The following IARS2 variants were observed in gnomAD, a reference collection of about 807,000 sequenced individuals.
IARS2 encodes the protein isoleucyl-tRNA synthetase 2, mitochondrial, also known as isoleucine--tRNA ligase, mitochondrial.
Under a neutral mutation model 126.3 loss-of-function variants are expected in IARS2, and 56 were observed. The observed-to-expected ratio is 0.44, with a 90% confidence interval of 0.36 to 0.55. The LOEUF (loss-of-function observed/expected upper bound fraction) is 0.55, where lower values mean the gene tolerates loss of function less well. Ranked by LOEUF, IARS2 falls within the 20% of genes least tolerant of loss-of-function variation. The probability of loss-of-function intolerance (pLI) is 0.00; values close to 1 mark genes in which losing one functional copy is unlikely to be tolerated. For synonymous variants in IARS2, 407 were observed against 441.1 expected (o/e 0.92, Z 0.97); for missense variants, 1,127 against 1,245.9 (o/e 0.90, Z 1.44).
At position 220,110,862 on chromosome 1, in the gene IARS2, G is replaced by T; in HGVS notation, c.1404G>T (p.Arg468Ser). The T allele has an allele frequency of 6.2e-7, 1 of 1,613,814 alleles. No homozygotes were observed. The highest frequency in any genetic ancestry group is 1.1e-5 in the South Asian group (1 of 91,074). ...TGCATAGCTATCCGTATGACTGGAG[G>T]ACCAAGAAACCTGTGGTTATTCGTG... ...KLVHSYPYDW[R>S]TKKPVVIRAS... The change falls in exon 11 of 23, where the codon AGG becomes AGT. Residue 468 changes from arginine to serine, a missense_variant. Physicochemically the swap from Arg to Ser is moderately radical, Grantham distance 110 (BLOSUM62 -1). Coordinates refer to ENST00000366922, the MANE Select transcript of IARS2 (RefSeq NM_018060.4).
chr1:220,097,388 G>C (rs1165004942), intron 2 of IARS2, among the ~76,000 whole-genome samples: 1 of 136,490 alleles, frequency 7.3e-6, no homozygotes, highest in East Asian at 2.1e-4. Context: ...TTTTGAGACA[G>C]AGTCTTGTAC....
intron 11 of IARS2, among the ~76,000 whole-genome samples, chr1:220,113,335 G>A (rs751997505): frequency 1.3e-5 from 2 of 152,170 alleles, no homozygotes; most frequent in African/African-American, 4.8e-5. Flanking sequence ...CCAATAGGTG[G>A]TGCTACAGAG....
intron 7 of IARS2, among the ~76,000 whole-genome samples, chr1:220,102,979 A>G (rs977892709): frequency 6.6e-6 from 1 of 152,116 alleles, no homozygotes. Flanking sequence ...ATGAAATAGA[A>G]GTATAAGTTA....
rs201935899 is a variant in IARS2, at chr1:220,096,194, G to A, written c.358G>A (p.Gly120Ser). 56 of 1,597,924 alleles carry A rather than the reference G, an allele frequency of 3.5e-5. No homozygotes were observed. Among genetic ancestry groups the A allele is most frequent in the Non-Finnish European group, 4.6e-5 (54 of 1,171,568 alleles). ...TCATGATGGACCTCCTTATGCAAAC[G>A]GTGACCCTCATGTTGGACATGCTTT... ...CLHDGPPYAN[G>S]DPHVGHALNK... is the part of the protein sequence containing the mutation. Residue 120 changes from glycine to serine, a missense_variant, in exon 2 of 23, where the codon GGT becomes AGT. Coordinates refer to ENST00000366922, the MANE Select transcript of IARS2 (RefSeq NM_018060.4).
At chr1:220,127,915 C>T (rs1026430622) in intron 14 of IARS2, among the ~76,000 whole-genome samples, 1 of 151,404 alleles carries the variant, frequency 6.6e-6, no homozygotes. Context: ...AATTTTTCTC[C>T]CAGCATATTC....
intron 14 of IARS2, among the ~76,000 whole-genome samples, chr1:220,133,759 C>T (rs1173388004): frequency 6.6e-6 from 1 of 152,040 alleles, no homozygotes; most frequent in Non-Finnish European, 1.5e-5. Context: ...GCTACAGTTG[C>T]TTTATATATC....
At chr1:220,126,156 T>A (rs1571857589) in intron 13 of IARS2, among the ~76,000 whole-genome samples, 2 of 150,572 alleles carry the variant, frequency 1.3e-5, no homozygotes, top group South Asian at 4.2e-4. Context: ...ATACCTTTAG[T>A]CCCAGCTACT....
chr1:220,125,139 G>A (rs1657126773), intron 12 of IARS2, 98 bp from the exon 13 acceptor site: 2 of 656,288 alleles, frequency 3.0e-6, no homozygotes, highest in Non-Finnish European at 4.9e-6. Context: ...TAAGGTTTGA[G>A]GAAAAAGGAA....
At position 220,094,222 on chromosome 1, in the gene IARS2, T is replaced by A. The variant is rs758280184; in HGVS notation, c.6T>A (p.Arg2=). M[R]WGLRPRGPGA... ...CTCTCAGGGGTTGCCGGACCATGCG[T>A]TGGGGGCTGCGCCCTCGCGGGCCGG... Residue 2 remains arginine, a synonymous_variant, in exon 1 of 23, where the codon CGT becomes CGA. Transcript: ENST00000366922. The A allele has an allele frequency of 6.3e-7, 1 of 1,580,600 alleles. No individual in the cohort carries two copies. The highest frequency in any genetic ancestry group is 1.2e-5 in the South Asian group (1 of 86,556).
rs374990412 is a variant in IARS2, at chr1:220,102,358, T to C, written c.700-5T>C. The C allele has an allele frequency of 1.2e-6, 2 of 1,613,470 alleles. No individual in the cohort carries two copies. The highest frequency in any genetic ancestry group is 1.6e-4 in the Middle Eastern group (1 of 6,078). On this transcript the variant is annotated splice_polypyrimidine_tract_variant and splice_region_variant and intron_variant, in intron 4 of 22. Transcript: ENST00000366922. ...CTTTTAACATCATATTTTTGTCTTT[T>C]ATAGGGCTTGGTTTATCGATCTTAC...
At chr1:220,105,796 A>T (rs1392119512) in intron 8 of IARS2, 95 bp from the exon 9 acceptor site, 13 of 1,030,750 alleles carry the variant, frequency 1.3e-5, no homozygotes, top group Admixed American at 5.5e-5. Context: ...ATTGTTCTAG[A>T]TTCTGCACAT....
Position 220,100,480 on chromosome 1 carries a change from ATCTTT to A in IARS2, c.391-9_391-5del. ...ATGTATGAATGATAATTATCATTTTATCTTTGCAGATTTTGAAAGACATAGCCAAT... is the reference window on the plus strand; with the variant it reads ...ATGTATGAATGATAATTATCATTTTAGCAGATTTTGAAAGACATAGCCAAT... On this transcript the variant is annotated splice_region_variant and splice_polypyrimidine_tract_variant and intron_variant, in intron 2 of 22. Coordinates refer to ENST00000366922, the MANE Select transcript of IARS2 (RefSeq NM_018060.4). 6.3e-7 allele frequency: 1 copy of A among 1,589,780 alleles called. No individual in the cohort carries two copies. Among genetic ancestry groups the A allele is most frequent in the East Asian group, 2.2e-5 (1 of 44,450 alleles).
chr1:220,111,388 A>G (rs1656796318), intron 11 of IARS2, among the ~76,000 whole-genome samples: 1 of 152,182 alleles, frequency 6.6e-6, no homozygotes, highest in East Asian at 1.9e-4. Flanking sequence ...TGCTTCCTTA[A>G]GATTGAAATT....
At position 220,102,591 on chromosome 1, in the gene IARS2, G is replaced by A. The variant is rs976770107; in HGVS notation, c.846G>A (p.Leu282=). 1 of 1,609,990 alleles carries A rather than the reference G, an allele frequency of 6.2e-7. No homozygotes were observed. The highest frequency in any genetic ancestry group is 8.5e-7 in the Non-Finnish European group (1 of 1,176,536). The part of the protein sequence containing the change: ...KFPLLKPSPK[L]ASLIDGSSPV... ...CTCTCTTAAAGCCTTCTCCAAAATT[G>A]GCATCTCTTATAGGTAAGATTTATT... Residue 282 remains leucine (L), a synonymous_variant, in exon 6 of 23, where the codon TTG becomes TTA. Coordinates refer to ENST00000366922, the MANE Select transcript of IARS2 (RefSeq NM_018060.4).
chr1:220,113,549 G>A (rs1656852475), intron 11 of IARS2, among the ~76,000 whole-genome samples: 1 of 151,612 alleles, frequency 6.6e-6, no homozygotes. Context: ...TCAAATGGTA[G>A]CAGTTTTCAA....
intron 16 of IARS2, 149 bp downstream of exon 16, chr1:220,137,060 C>G: frequency 5.5e-6 from 3 of 544,108 alleles, no homozygotes. Context: ...AAGGCAGAGG[C>G]TGGGATTGTG....
chr1:220,095,008 G>A (rs1651738521), intron 1 of IARS2, among the ~76,000 whole-genome samples: 1 of 151,252 alleles, frequency 6.6e-6, no homozygotes. Flanking sequence ...TATGATGAAT[G>A]AAGGGGAAGT....
chr1:220,147,282 G>A (rs538768282), intron 22 of IARS2, among the ~76,000 whole-genome samples: 3 of 152,162 alleles, frequency 2.0e-5, no homozygotes, highest in Admixed American at 6.5e-5. Flanking sequence ...TCAGAGTCAC[G>A]GGGTCTCTAA....
At chr1:220,105,008 A>C (rs1656650669) in intron 8 of IARS2, among the ~76,000 whole-genome samples, 1 of 152,250 alleles carries the variant, frequency 6.6e-6, no homozygotes, top group African/African-American at 2.4e-5. Context: ...ACCTTAACAA[A>C]AATAAAAAGA....
Sources: gnomAD v4.1 joint callset for allele counts (sites outside exome capture counted in the v4.1 genomes callset) on GRCh38, gnomAD v4.1.1 for gene constraint, MANE v1.5 for transcripts, NCBI Gene and HGNC (gene_info 2026-07-23, HGNC 2026-07-21) for gene names.